Variants in PRDM2 observed in about 807,000 individuals in gnomAD.
PRDM2 encodes the protein PR domain zinc finger protein 2.
A neutral mutation model predicts 130.0 loss-of-function variants in PRDM2; 30 were observed. That is an observed-to-expected ratio of 0.23 (90% CI 0.17 to 0.31). PRDM2 has a LOEUF of 0.31. Among genes scored for constraint, PRDM2 ranks in the 10% least tolerant of loss-of-function variants. PRDM2 has a pLI of 1.00. For synonymous variants in PRDM2, 871 were observed against 782.4 expected, an observed-to-expected ratio of 1.11 and a Z score of -1.89; for missense variants, 2,011 against 2,108.4, an observed-to-expected ratio of 0.95 and a Z score of 0.90.
In PRDM2 at chr1:13,781,121, G is replaced by T; in HGVS notation, c.3326G>T (p.Gly1109Val). ...AAACAGGAGGAATTAGAGAATGAAG[G>T]TCTGAAACCCAGGGAAGAGCCCCAG... ...SFKQEELENE[G>V]LKPREEPQSA... Residue 1109 changes from glycine to valine, a missense_variant, in exon 8 of 10, where the codon GGT (glycine) becomes GTT (valine). Gly to Val is a moderately radical substitution (Grantham distance 109). This residue lies in a region of PRDM2 where 229 missense variants were observed against 364.1 expected (regional missense o/e 0.63). Coordinates refer to ENST00000311066, the MANE Select transcript of PRDM2 (RefSeq NM_001393986.1). This position sits in a 1 kb window ranked among gnomAD's most constrained non-coding sequence, Gnocchi z 6.1. 1 of 1,614,076 alleles carries T rather than the reference G, an allele frequency of 6.2e-7. No individual in the cohort carries two copies. Among genetic ancestry groups the T allele is most frequent in the Non-Finnish European group, 8.5e-7 (1 of 1,179,964 alleles).
At chr1:13,810,475 A>C (rs1217723515) in intron 8 of PRDM2, among the ~76,000 whole-genome samples, 1 of 145,946 alleles carries the variant, frequency 6.9e-6, no homozygotes, top group Non-Finnish European at 1.5e-5. Flanking sequence ...TGAACGTGAA[A>C]GCTTGAGTTC....
chr1:13,786,997 AAATT>A (rs1451164382), intron 8 of PRDM2: 1 of 986,428 alleles, frequency 1.0e-6, no homozygotes, highest in Non-Finnish European at 1.2e-6. Flanking sequence ...CCTTTCTTTT[AAATT>A]AATTATAGAC....
At chr1:13,785,078 TATG>T (rs780837356) in intron 8 of PRDM2, among the ~76,000 whole-genome samples, 2 of 152,246 alleles carry the variant, frequency 1.3e-5, no homozygotes, top group South Asian at 2.1e-4. Flanking sequence ...ACCTGGGTAA[TATG>T]ATGATTGTCA....
At chr1:13,794,758 T>G (rs1428273636) in intron 8 of PRDM2, among the ~76,000 whole-genome samples, 2 of 152,150 alleles carry the variant, frequency 1.3e-5, no homozygotes, top group African/African-American at 4.8e-5. Context: ...TTGAATCTGA[T>G]GAAAAGTTGA....
intron 1 of PRDM2, among the ~76,000 whole-genome samples, chr1:13,712,322 A>G (rs1642397622): frequency 1.3e-5 from 2 of 152,262 alleles, no homozygotes; most frequent in Non-Finnish European, 2.9e-5. Flanking sequence ...AGGATATCTC[A>G]GTTGTCTGAA....
intron 2 of PRDM2, among the ~76,000 whole-genome samples, chr1:13,715,825 T>A (rs916897083): frequency 4.6e-5 from 7 of 152,216 alleles, no homozygotes; most frequent in Non-Finnish European, 7.3e-5. Context: ...TTTCTGTGGT[T>A]CCCTGAGGAG....
At chr1:13,749,218 C>G in intron 5 of PRDM2, 143 bp from the exon 6 acceptor site, 4 of 774,820 alleles carry the variant, frequency 5.2e-6, no homozygotes, top group Non-Finnish European at 6.5e-6. Context: ...GCCGGGAGCC[C>G]TTCCTGCCGG....
At chr1:13,787,731 C>G (rs904054257) in intron 8 of PRDM2, 8 of 984,514 alleles carry the variant, frequency 8.1e-6, no homozygotes. Flanking sequence ...CGTTGTTAAC[C>G]CGGAGAGTGC....
chr1:13,732,590 A>G (rs1643144215), intron 3 of PRDM2, among the ~76,000 whole-genome samples, 189 bp from the exon 4 acceptor site: 1 of 152,254 alleles, frequency 6.6e-6, no homozygotes, highest in South Asian at 2.1e-4. Context: ...ACAGAAGAGT[A>G]TAAAGAAGAA....
intron 6 of PRDM2, 40 bp from the exon 7 acceptor site, chr1:13,773,038 A>T (rs770896267): frequency 6.7e-5 from 81 of 1,210,568 alleles, no homozygotes; most frequent in South Asian, 3.5e-4. Context: ...AATAAATAAA[A>T]AAAAAATGAA....
At chr1:13,736,794 AT>A (rs1391778172) in intron 4 of PRDM2, among the ~76,000 whole-genome samples, 1 of 152,120 alleles carries the variant, frequency 6.6e-6, no homozygotes, top group African/African-American at 2.4e-5. Flanking sequence ...ATTGTTAAAA[AT>A]ATCTATTTTT....
chr1:13,809,937 G>A (rs1258820121), intron 8 of PRDM2, among the ~76,000 whole-genome samples: 2 of 152,198 alleles, frequency 1.3e-5, no homozygotes, highest in East Asian at 3.9e-4. Context: ...TCTCTTCCTG[G>A]TTCACAGACT....
At chr1:13,778,360 C>T in intron 7 of PRDM2, 58 bp from the exon 8 acceptor site, 5 of 1,484,454 alleles carry the variant, frequency 3.4e-6, no homozygotes, top group South Asian at 2.7e-5. Context: ...AGATTGTTCA[C>T]CAAGTAGCTG....
At position 13,782,790 on chromosome 1, in the gene PRDM2, G is replaced by T; in HGVS notation, c.4995G>T (p.Lys1665Asn). Residue 1665 changes from lysine to asparagine, a missense_variant, in exon 8 of 10, where the codon AAG becomes AAT. Physicochemically the swap from Lys to Asn is moderately conservative, Grantham distance 94. This residue lies in a region of PRDM2 where 410 missense variants were observed against 395.9 expected (regional missense o/e 1.04). Coordinates refer to ENST00000311066, the MANE Select transcript of PRDM2 (RefSeq NM_001393986.1). ...CTGCTGCTGACTTGAGTGAGAACAA[G>T]AGAGAGGACGGCAGCGCCAAGCAGG... ...LAAAADLSEN[K>N]REDGSAKQEL... is the part of the protein sequence containing the mutation. 6.2e-7 allele frequency: 1 copy of T among 1,610,110 alleles called. No individual in the cohort carries two copies.
chr1:13,799,745 TTTA>T (rs779324814), intron 8 of PRDM2, among the ~76,000 whole-genome samples: 1 of 152,232 alleles, frequency 6.6e-6, no homozygotes, highest in African/African-American at 2.4e-5. Context: ...GCCGCTTGTA[TTTA>T]TTATCACACT....
At chr1:13,765,197 C>G (rs1442197597) in intron 6 of PRDM2, among the ~76,000 whole-genome samples, 2 of 152,222 alleles carry the variant, frequency 1.3e-5, no homozygotes, top group Non-Finnish European at 2.9e-5. Context: ...GTCCTTCTGC[C>G]CAAGTCTCCC....
At chr1:13,740,889 G>T (rs369474765) in intron 4 of PRDM2, among the ~76,000 whole-genome samples, 39 of 152,300 alleles carry the variant, frequency 2.6e-4, no homozygotes, top group African/African-American at 8.9e-4. Context: ...GGGGGAGTGG[G>T]AGCTTTGTTC....
chr1:13,745,229 G>T (rs1643566439), intron 5 of PRDM2, among the ~76,000 whole-genome samples: 1 of 152,152 alleles, frequency 6.6e-6, no homozygotes, highest in Non-Finnish European at 1.5e-5. Flanking sequence ...TTAAGACAGG[G>T]AAATGTGATA....
At chr1:13,770,543 G>C (rs1485957345) in intron 6 of PRDM2, among the ~76,000 whole-genome samples, 1 of 151,788 alleles carries the variant, frequency 6.6e-6, no homozygotes, top group Admixed American at 6.6e-5. Context: ...GCAAGTGACT[G>C]TATTACAAGA....
Sources: gnomAD v4.1 joint callset for allele counts (sites outside exome capture counted in the v4.1 genomes callset) on GRCh38, gnomAD v4.1.1 for gene constraint, gnomAD v4.1.1 regional missense constraint, Gnocchi (gnomAD v3.1) non-coding constraint, MANE v1.5 for transcripts, NCBI Gene and HGNC (gene_info 2026-07-23, HGNC 2026-07-21) for gene names.